Variants in TAPBPL observed in about 807,000 individuals in gnomAD.
The protein encoded by TAPBPL is tapasin-related protein.
In TAPBPL, 32 loss-of-function variants were observed where a neutral mutation model predicts 44.8. The ratio of observed to expected loss-of-function variants is 0.71; its 90% CI spans 0.54 to 0.96. The LOEUF (loss-of-function observed/expected upper bound fraction) is 0.96, where lower values mean the gene tolerates loss of function less well. TAPBPL is among the 40% of genes least tolerant of loss of function. The pLI is 0.00. For synonymous variants in TAPBPL, 230 were observed against 240.7 expected (o/e 0.96, Z 0.41); for missense variants, 520 against 586.6 (o/e 0.89, Z 1.17).
chr12:6,463,436 G>A, downstream of TAPBPL: 2 of 1,046,954 alleles, frequency 1.9e-6, no homozygotes, highest in Non-Finnish European at 2.3e-6. The surrounding 1 kb of genome is among the most constrained non-coding windows in gnomAD (Gnocchi z 4.0). Flanking sequence ...CGGGTGGTGT[G>A]GAGGAAAGGA....
chr12:6,466,244 G>T (rs1334404167), downstream of TAPBPL: 1 of 1,614,206 alleles, frequency 6.2e-7, no homozygotes, highest in Non-Finnish European at 8.5e-7. Flanking sequence ...TTGTGCCTGG[G>T]TTTGCTGTAG....
chr12:6,461,676 T>C (rs1407481513), intron 6 of TAPBPL, among the ~76,000 whole-genome samples: 1 of 152,206 alleles, frequency 6.6e-6, no homozygotes, highest in African/African-American at 2.4e-5. Context: ...CAGTTGCACC[T>C]CAGCTGCAAT....
intron 4 of TAPBPL, 41 bp from the exon 5 acceptor site, chr12:6,458,604 G>T (rs377141618): frequency 4.2e-4 from 675 of 1,601,618 alleles, no homozygotes; most frequent in Middle Eastern, 5.0e-4. Context: ...GCTGTCCCCA[G>T]TTAGATCCAT....
At chr12:6,464,059 C>T, downstream of TAPBPL, 3 of 1,299,038 alleles carry the variant, frequency 2.3e-6, no homozygotes, top group Non-Finnish European at 3.0e-6. Context: ...CCCTCCCTAG[C>T]TCCTACCAGT....
chr12:6,453,476 G>A lies in TAPBPL; in HGVS notation c.325G>A (p.Ala109Thr). 1 of 1,614,164 alleles carries A rather than the reference G, an allele frequency of 6.2e-7. No homozygotes were observed. The highest frequency in any genetic ancestry group is 8.5e-7 in the Non-Finnish European group (1 of 1,180,024). ...VDLVQIPQAEALLHADCSGKE... is the reference protein window; with the variant it reads ...VDLVQIPQAETLLHADCSGKE... ...CCTGGTCCAGATTCCCCAGGCCGAG[G>A]CCTTGCTCCATGCTGACTGCAGTGG... Residue 109 changes from alanine to threonine, a missense_variant, in exon 3 of 7, where the codon GCC becomes ACC. Ala to Thr is a moderately conservative substitution (Grantham distance 58, BLOSUM62 0). Coordinates refer to ENST00000266556, the MANE Select transcript of TAPBPL (RefSeq NM_018009.5). This position sits in a 1 kb window ranked among gnomAD's most constrained non-coding sequence, Gnocchi z 4.8.
At chr12:6,465,985 G>C, downstream of TAPBPL, 4 of 1,614,230 alleles carry the variant, frequency 2.5e-6, no homozygotes, top group Non-Finnish European at 3.4e-6. Context: ...ACGTTCACAC[G>C]TATGATGTCC....
chr12:6,461,882 C>T (rs1949873751), intron 6 of TAPBPL, 152 bp from the exon 7 acceptor site: 3 of 591,640 alleles, frequency 5.1e-6, no homozygotes, highest in Non-Finnish European at 8.9e-6. Context: ...TCACTGACAG[C>T]CTTATCTGGG....
At chr12:6,466,614 C>A (rs1045098037), downstream of TAPBPL, 1 of 294,946 alleles carries the variant, frequency 3.4e-6, no homozygotes, top group Non-Finnish European at 6.3e-6. Context: ...TGGATTCTTG[C>A]TCCTTGGCAA....
chr12:6,465,086 A>G (rs1949971373), downstream of TAPBPL: 5 of 1,205,922 alleles, frequency 4.1e-6, no homozygotes, highest in Non-Finnish European at 5.7e-6. Context: ...GGCCTCTTAG[A>G]GAGGCCCTAC....
At position 6,457,514 on chromosome 12, in the gene TAPBPL, TG is replaced by T; in HGVS notation, c.676del (p.Glu226SerfsTer83). 6.2e-7 allele frequency: 1 copy of T among 1,614,202 alleles called. No individual in the cohort carries two copies. The highest frequency in any genetic ancestry group is 1.1e-5 in the South Asian group (1 of 91,082). The part of the protein sequence containing the change: ...SMAPGLDLIS[V>X]EWRLQHKGRG... ...GCACCGGGCTTGGACCTCATCAGTG[TG>T]GAGTGGCGACTGCAGCACAAGGGCA... On this transcript the variant is annotated frameshift_variant, in exon 4 of 7. Transcript: ENST00000266556. LOFTEE classifies it high-confidence loss of function.
chr12:6,454,503 AAG>A (rs1455470965), intron 3 of TAPBPL, among the ~76,000 whole-genome samples: 2 of 152,144 alleles, frequency 1.3e-5, no homozygotes, highest in Non-Finnish European at 2.9e-5. Flanking sequence ...CTGAGTCCAC[AAG>A]AGAATGCTTC....
At position 6,462,037 on chromosome 12, in the gene TAPBPL, C is replaced by A. The variant is rs1949881395; in HGVS notation, c.1295C>A (p.Pro432His). Residue 432 changes from proline to histidine, a missense_variant, in exon 7 of 7, where the codon CCT becomes CAT. Pro to His is a moderately conservative substitution (Grantham distance 77). Transcript: ENST00000266556. ...MFLGLQRRQA[P>H]TGLGLLQAER... ...TGTCTTCACTTCCTCTTACCAGCACCTACAGGACTTGGGCTGCTTCAGGCT... is the reference window on the plus strand; with the variant it reads ...TGTCTTCACTTCCTCTTACCAGCACATACAGGACTTGGGCTGCTTCAGGCT... 1.9e-6 allele frequency: 3 copies of A among 1,612,406 alleles called. No homozygotes were observed. Among genetic ancestry groups the A allele is most frequent in the Middle Eastern group, 1.6e-4 (1 of 6,076 alleles).
At chr12:6,460,416 C>A (rs899810627) in intron 5 of TAPBPL, among the ~76,000 whole-genome samples, 1 of 152,136 alleles carries the variant, frequency 6.6e-6, no homozygotes, top group Non-Finnish European at 1.5e-5. Flanking sequence ...CAGGCGCACA[C>A]CAACATGCCC....
At chr12:6,462,409 C>T (rs1054379721), downstream of TAPBPL, 10 of 498,868 alleles carry the variant, frequency 2.0e-5, no homozygotes. Context: ...GGAAACCCCA[C>T]ATCGTCTCAT....
Position 6,461,006 on chromosome 12 carries a change from A to G in TAPBPL, c.1291+68A>G, listed in dbSNP as rs1949844444. ...ACCCACTCTAACCACCCCCCCGCCC[A>G]GACCAGGGTGGAAGCCCAGATGCCC... is the stretch of plus-strand genomic sequence containing the variant. On this transcript the variant is annotated intron_variant, in intron 6 of 6. Transcript: ENST00000266556. 6.2e-6 allele frequency: 10 copies of G among 1,602,334 alleles called. No individual in the cohort carries two copies. In the Admixed American group the frequency reaches 1.7e-4, roughly 28 times the overall value.
At chr12:6,455,273 C>T (rs927376028) in intron 3 of TAPBPL, among the ~76,000 whole-genome samples, 5 of 152,068 alleles carry the variant, frequency 3.3e-5, no homozygotes, top group Admixed American at 2.0e-4. Context: ...AACCCCGAAA[C>T]GCATGTTTAA....
chr12:6,459,684 A>T (rs190926444), intron 5 of TAPBPL, among the ~76,000 whole-genome samples: 1 of 152,248 alleles, frequency 6.6e-6, no homozygotes, highest in African/African-American at 2.4e-5. Flanking sequence ...TGGGCCTTCA[A>T]GCTGGAACTT....
chr12:6,453,795 A>G lies in TAPBPL; in HGVS notation c.565+79A>G. ...AATTTTGGGATACCGAGGTCGGTGG[A>G]TCACCTGAGGTCAGGAGTTTGAGAT... On this transcript the variant is annotated intron_variant, in intron 3 of 6. Transcript: ENST00000266556. This position sits in a 1 kb window ranked among gnomAD's most constrained non-coding sequence, Gnocchi z 4.8. 6.9e-7 allele frequency: 1 copy of G among 1,454,348 alleles called. No individual in the cohort carries two copies. Among genetic ancestry groups the G allele is most frequent in the Non-Finnish European group, 9.1e-7 (1 of 1,104,638 alleles). The allele number at this position is 1,454,348 out of a possible 1,614,324, so 90.1% of individuals were successfully genotyped here.
chr12:6,459,101 G>A (rs756590645), intron 5 of TAPBPL, among the ~76,000 whole-genome samples, 154 bp downstream of exon 5: 3 of 152,156 alleles, frequency 2.0e-5, no homozygotes, highest in Non-Finnish European at 4.4e-5. Context: ...TTCCCAAGGC[G>A]GCAGCTGCCA....
Sources: gnomAD v4.1 joint callset for allele counts (sites outside exome capture counted in the v4.1 genomes callset) on GRCh38, gnomAD v4.1.1 for gene constraint, Gnocchi (gnomAD v3.1) non-coding constraint, MANE v1.5 for transcripts, NCBI Gene and HGNC (gene_info 2026-07-23, HGNC 2026-07-21) for gene names.